The following SLC17A6 variants were observed in gnomAD, a reference collection of about 807,000 sequenced individuals.
SLC17A6 encodes the protein vesicular glutamate transporter 2.
In SLC17A6, 35 loss-of-function variants were observed where a neutral mutation model predicts 67.1. The ratio of observed to expected loss-of-function variants is 0.52; its 90% CI spans 0.40 to 0.69. SLC17A6 has a LOEUF of 0.69. Ranked by LOEUF, SLC17A6 falls within the 30% of genes least tolerant of loss-of-function variation. The pLI is 0.00. For missense variants in SLC17A6, 588 were observed against 723.9 expected, an observed-to-expected ratio of 0.81 and a Z score of 2.15; for synonymous variants, 285 against 252.3, an observed-to-expected ratio of 1.13 and a Z score of -1.23.
In SLC17A6 at chr11:22,362,681, A is replaced by G. The variant is rs931352697; in HGVS notation, c.662-58A>G. The stretch of plus-strand genomic sequence containing the variant: ...TGAATCAACAAAGGAATGTGAGATG[A>G]TATCAATAATTTCTACTGATTTCAC... On this transcript the variant is annotated intron_variant, in intron 5 of 11. Transcript: ENST00000263160. 13 of 1,367,582 alleles carry G rather than the reference A, an allele frequency of 9.5e-6. No individual in the cohort carries two copies. The Admixed American group carries it at 1.3e-4, about 14-fold the overall frequency. 84.7% of individuals were successfully genotyped at this position (1,367,582 alleles called of 1,614,324 possible).
At chr11:22,339,384 T>A (rs1337250928) in intron 1 of SLC17A6, among the ~76,000 whole-genome samples, 1 of 151,684 alleles carries the variant, frequency 6.6e-6, no homozygotes, top group Admixed American at 6.6e-5. Context: ...TATTTTCATC[T>A]CCTAGAGTCT....
chr11:22,356,808 C>T (rs183867816), intron 3 of SLC17A6, among the ~76,000 whole-genome samples: 1 of 152,190 alleles, frequency 6.6e-6, no homozygotes, highest in African/African-American at 2.4e-5. Context: ...TGCACTCCAG[C>T]CTGGGTGACA....
chr11:22,358,542 G>T (rs1856015461), intron 3 of SLC17A6, among the ~76,000 whole-genome samples: 1 of 152,176 alleles, frequency 6.6e-6, no homozygotes, highest in African/African-American at 2.4e-5. Context: ...ATGTTGGCCA[G>T]ACTGGTTTTG....
Position 22,360,975 on chromosome 11 carries a change from T to G in SLC17A6, c.652T>G (p.Ser218Ala). Residue 218 changes from serine (S) to alanine (A), a missense_variant, in exon 5 of 12, where the codon TCC becomes GCC. This residue lies in a region of SLC17A6 where 414 missense variants were observed against 563.4 expected (regional missense o/e 0.73). Transcript: ENST00000263160. Reference sequence around the variant, plus strand: ...AGAGAGGAGTAGACTGGCAACCACCTCCTTTTGTGGTGAGTACTGTGTGCA... The same window carrying G: ...AGAGAGGAGTAGACTGGCAACCACCGCCTTTTGTGGTGAGTACTGTGTGCA... ...PLERSRLATT[S>A]FCGSYAGAVI... The G allele has an allele frequency of 6.2e-7, 1 of 1,613,778 alleles. No homozygotes were observed.
intron 3 of SLC17A6, among the ~76,000 whole-genome samples, chr11:22,345,364 T>C (rs1855865312): frequency 6.6e-6 from 1 of 151,554 alleles, no homozygotes; most frequent in Non-Finnish European, 1.5e-5. Context: ...CAGGCTGAAG[T>C]GCAGTGGCAC....
chr11:22,354,388 T>A (rs1405399929), intron 3 of SLC17A6, among the ~76,000 whole-genome samples: 1 of 152,188 alleles, frequency 6.6e-6, no homozygotes, highest in African/African-American at 2.4e-5. Flanking sequence ...CCGGCAATTT[T>A]ATACTCTTAA....
chr11:22,349,228 T>C (rs1362406973), intron 3 of SLC17A6, among the ~76,000 whole-genome samples: 1 of 152,218 alleles, frequency 6.6e-6, no homozygotes, highest in African/African-American at 2.4e-5. Flanking sequence ...ACATAAATCC[T>C]GCTGAAAGGG....
intron 3 of SLC17A6, among the ~76,000 whole-genome samples, chr11:22,358,216 T>C (rs755357462): frequency 1.2e-4 from 18 of 152,028 alleles, no homozygotes; most frequent in Non-Finnish European, 2.2e-4. Context: ...GATTAGCTCA[T>C]TGGAGTTAGC....
At chr11:22,356,559 G>C (rs1398813417) in intron 3 of SLC17A6, among the ~76,000 whole-genome samples, 2 of 152,182 alleles carry the variant, frequency 1.3e-5, no homozygotes, top group Admixed American at 6.5e-5. Context: ...AAGAGACCAG[G>C]CATGGTGGCT....
At chr11:22,352,140 T>C (rs1855947264) in intron 3 of SLC17A6, among the ~76,000 whole-genome samples, 1 of 146,166 alleles carries the variant, frequency 6.8e-6, no homozygotes, top group Non-Finnish European at 1.5e-5. Flanking sequence ...GACAGTGGTT[T>C]CAGAGGCTGA....
At chr11:22,354,422 A>G (rs1247300161) in intron 3 of SLC17A6, among the ~76,000 whole-genome samples, 1 of 152,116 alleles carries the variant, frequency 6.6e-6, no homozygotes, top group Non-Finnish European at 1.5e-5. Context: ...ATTCAGTTCC[A>G]CTACTTCTTT....
rs1319210189 is a variant in SLC17A6, at chr11:22,369,922, C to T, written c.892-117C>T. 4 of 882,482 alleles carry T rather than the reference C, an allele frequency of 4.5e-6. No homozygotes were observed. The Admixed American group carries it at 9.7e-5, about 21-fold the overall frequency. 54.7% of individuals were successfully genotyped at this position (882,482 alleles called of 1,614,324 possible). A position where few individuals can be genotyped will look rare whatever the true frequency, so the allele number is the denominator to read the frequency against. On this transcript the variant is annotated intron_variant, in intron 7 of 11. Transcript: ENST00000263160. ...TATAATTAATGCTTCACTACATCTT[C>T]CTACTTCCTACTTATGACCTGTCAT...
chr11:22,369,862 A>G (rs541897711), intron 7 of SLC17A6, among the ~76,000 whole-genome samples, 177 bp from the exon 8 acceptor site: 93 of 152,082 alleles, frequency 6.1e-4, no homozygotes, highest in Admixed American at 5.2e-3. Context: ...TTCTCTTCCA[A>G]TGATTATTTA....
At chr11:22,349,009 G>C (rs1564979838) in intron 3 of SLC17A6, among the ~76,000 whole-genome samples, 1 of 152,004 alleles carries the variant, frequency 6.6e-6, no homozygotes, top group African/African-American at 2.4e-5. Flanking sequence ...CATTGGAAAT[G>C]AATTCCTAAG....
intron 8 of SLC17A6, among the ~76,000 whole-genome samples, chr11:22,373,848 A>C (rs1856200731): frequency 6.6e-6 from 1 of 152,178 alleles, no homozygotes; most frequent in South Asian, 2.1e-4. Context: ...ATACCTTACT[A>C]TACACCAGTG....
intron 3 of SLC17A6, among the ~76,000 whole-genome samples, chr11:22,358,113 C>G (rs945472510): frequency 4.6e-5 from 7 of 152,070 alleles, no homozygotes; most frequent in African/African-American, 7.2e-5. Context: ...TTTAAAAGTG[C>G]CCACAAGAAA....
intron 1 of SLC17A6, among the ~76,000 whole-genome samples, chr11:22,340,793 G>A (rs879854831): frequency 2.6e-5 from 4 of 152,164 alleles, no homozygotes; most frequent in Non-Finnish European, 5.9e-5. Flanking sequence ...TGTAACAGGG[G>A]AGTAAGCATT....
rs545620786 is a variant in SLC17A6 at position 22,341,426 on chromosome 11, G to T, written c.87-102G>T. ...CCCCGAGGGTGGGGGGAGGTCGACG[G>T]CCCTCCTCCCAACCCCGACGGGTCC... On this transcript the variant is annotated intron_variant, in intron 1 of 11. Coordinates refer to ENST00000263160, the MANE Select transcript of SLC17A6 (RefSeq NM_020346.3). The T allele has an allele frequency of 3.8e-4, 577 of 1,508,024 alleles. 9 individuals carry two copies. In the South Asian group the frequency reaches 7.1e-3, roughly 18 times the overall value. The allele number at this position is 1,508,024 out of a possible 1,614,324, so 93.4% of individuals were successfully genotyped here.
rs1855809007 is a variant in SLC17A6 at position 22,341,032 on chromosome 11, C to A, written c.87-496C>A. ...AAAGGCAGCGCGGGTGGGAAAGGCT[C>A]TCTAGTTGGGCCCGCCTGCAGCGGA... On this transcript the variant is annotated intron_variant, in intron 1 of 11. Transcript: ENST00000263160. Among the ~76,000 whole-genome samples, 3 of 152,328 alleles carry A rather than the reference C, an allele frequency of 2.0e-5. No homozygotes were observed. In the South Asian group the frequency reaches 6.2e-4, roughly 32 times the overall value.
Sources: gnomAD v4.1 joint callset for allele counts (sites outside exome capture counted in the v4.1 genomes callset) on GRCh38, gnomAD v4.1.1 for gene constraint, gnomAD v4.1.1 regional missense constraint, MANE v1.5 for transcripts, NCBI Gene and HGNC (gene_info 2026-07-23, HGNC 2026-07-21) for gene names.